Variants in TMTC2 observed in about 807,000 individuals in gnomAD.
TMTC2 encodes protein O-mannosyl-transferase TMTC2.
In TMTC2, 43 loss-of-function variants were observed where a neutral mutation model predicts 82.4. The ratio of observed to expected loss-of-function variants is 0.52; its 90% CI spans 0.41 to 0.67. The LOEUF (loss-of-function observed/expected upper bound fraction) is 0.67. TMTC2 is among the 30% of genes least tolerant of loss of function. The pLI, the probability that TMTC2 is intolerant of heterozygous loss-of-function variation, is 0.00. For missense variants in TMTC2, 919 were observed against 1,012.4 expected (o/e 0.91, Z 1.25); for synonymous variants, 408 against 381.9 (o/e 1.07, Z -0.80).
At chr12:82,827,382 G>C (rs1019557060) in intron 1 of TMTC2, among the ~76,000 whole-genome samples, 4 of 152,168 alleles carry the variant, frequency 2.6e-5, no homozygotes, top group Admixed American at 2.0e-4. Flanking sequence ...GAAATGACCT[G>C]AGTTCATGCA....
In TMTC2 at chr12:82,798,116, C is replaced by T. The variant is rs371590680; in HGVS notation, c.84-58894C>T. On this transcript the variant is annotated intron_variant, in intron 1 of 11. Transcript: ENST00000321196. ...GGCTACAAGCACCTGCCAGGACGCCCGGCTAATTTTCTGTATTTTTAGTAG... is the reference window on the plus strand; with the variant it reads ...GGCTACAAGCACCTGCCAGGACGCCTGGCTAATTTTCTGTATTTTTAGTAG... Among the ~76,000 whole-genome samples, 42 of 150,646 alleles carry T rather than the reference C, an allele frequency of 2.8e-4. No individual in the cohort carries two copies. The East Asian group carries it at 2.8e-3, about 10-fold the overall frequency.
intron 1 of TMTC2, among the ~76,000 whole-genome samples, chr12:82,701,324 T>G (rs1239474975): frequency 6.6e-6 from 1 of 152,180 alleles, no homozygotes; most frequent in Non-Finnish European, 1.5e-5. Context: ...CTGTTTGTTT[T>G]ACAGTAAGCA....
intron 1 of TMTC2, among the ~76,000 whole-genome samples, chr12:82,735,172 A>G (rs1026091024): frequency 6.6e-6 from 1 of 152,258 alleles, no homozygotes; most frequent in Admixed American, 6.5e-5. Context: ...CAAATCAATC[A>G]TATGCTAAAA....
chr12:82,938,815 G>A (rs1253163654), intron 4 of TMTC2, among the ~76,000 whole-genome samples: 1 of 152,104 alleles, frequency 6.6e-6, no homozygotes, highest in Non-Finnish European at 1.5e-5. Flanking sequence ...TAATACTGAA[G>A]AATATGGAGT....
chr12:82,819,016 C>G (rs1868918131), intron 1 of TMTC2, among the ~76,000 whole-genome samples: 1 of 151,718 alleles, frequency 6.6e-6, no homozygotes, highest in African/African-American at 2.4e-5. Context: ...CAAAGTAAGG[C>G]CTACCTTTTC....
chr12:83,040,518 A>G (rs990252251), intron 9 of TMTC2, among the ~76,000 whole-genome samples: 3 of 152,116 alleles, frequency 2.0e-5, no homozygotes, highest in African/African-American at 7.2e-5. Context: ...TGTTCCTTCT[A>G]ATAACTCAGT....
At chr12:82,941,639 A>C (rs1009755867) in intron 4 of TMTC2, among the ~76,000 whole-genome samples, 3 of 152,164 alleles carry the variant, frequency 2.0e-5, no homozygotes, top group African/African-American at 7.2e-5. Flanking sequence ...ACTTTTATCT[A>C]TTATATATGT....
chr12:82,979,154 A>G (rs529751155), intron 7 of TMTC2, among the ~76,000 whole-genome samples: 1 of 151,282 alleles, frequency 6.6e-6, no homozygotes, highest in Non-Finnish European at 1.5e-5. Context: ...CAATGTTTTT[A>G]TTGGAGAATT....
chr12:82,787,430 T>A (rs924311589), intron 1 of TMTC2, among the ~76,000 whole-genome samples: 1 of 152,200 alleles, frequency 6.6e-6, no homozygotes. Flanking sequence ...AACCTAGTTA[T>A]ATGTAAATGA....
At chr12:82,934,517 T>C (rs928966751) in intron 4 of TMTC2, among the ~76,000 whole-genome samples, 12 of 152,114 alleles carry the variant, frequency 7.9e-5, no homozygotes, top group Non-Finnish European at 4.4e-5. Flanking sequence ...GCTATAATTA[T>C]GGTTTCCAGC....
intron 9 of TMTC2, among the ~76,000 whole-genome samples, chr12:83,039,024 C>A (rs751915282): frequency 2.0e-4 from 31 of 151,314 alleles, no homozygotes; most frequent in Admixed American, 1.1e-3. Context: ...CTCTGCCCCC[C>A]GGGTTCAAGC....
chr12:82,965,263 A>G (rs1878139128), intron 5 of TMTC2, among the ~76,000 whole-genome samples, 154 bp downstream of exon 5: 1 of 152,106 alleles, frequency 6.6e-6, no homozygotes, highest in African/African-American at 2.4e-5. Context: ...TCTCAATTGC[A>G]TCATACTTTA....
intron 8 of TMTC2, among the ~76,000 whole-genome samples, chr12:83,013,484 C>A (rs900438466): frequency 1.8e-4 from 27 of 152,276 alleles, no homozygotes; most frequent in African/African-American, 6.0e-4. Flanking sequence ...GCTTATCTTT[C>A]AGTACAGAAG....
At chr12:83,042,535 A>C (rs897113202) in intron 9 of TMTC2, among the ~76,000 whole-genome samples, 1 of 152,116 alleles carries the variant, frequency 6.6e-6, no homozygotes, top group Non-Finnish European at 1.5e-5. Context: ...ACTTAAACCT[A>C]TGATGAAATT....
At chr12:82,906,579 CT>C (rs1158868628) in intron 3 of TMTC2, among the ~76,000 whole-genome samples, 1 of 152,054 alleles carries the variant, frequency 6.6e-6, no homozygotes, top group Non-Finnish European at 1.5e-5. Context: ...GCCTCAGCTA[CT>C]CGGGAGGCTG....
At chr12:82,829,612 G>A (rs1208471495) in intron 1 of TMTC2, among the ~76,000 whole-genome samples, 2 of 152,120 alleles carry the variant, frequency 1.3e-5, no homozygotes, top group East Asian at 3.8e-4. Context: ...CATGCTATTA[G>A]CTAATTTTGG....
chr12:82,797,945 T>C (rs970428313), intron 1 of TMTC2, among the ~76,000 whole-genome samples: 2 of 148,272 alleles, frequency 1.3e-5, no homozygotes, highest in Non-Finnish European at 3.0e-5. Flanking sequence ...ATTTTTTTTT[T>C]TTTTTTTTTT....
In TMTC2 at chr12:82,870,982, G is replaced by A. The variant is rs537143579; in HGVS notation, c.654+13402G>A. ...ATTCTGCAGTATAATCTTCTCCCTG[G>A]CTGCTCTGACTTCCATATTGTTCAA... On this transcript the variant is annotated intron_variant, in intron 2 of 11. Coordinates refer to ENST00000321196, the MANE Select transcript of TMTC2 (RefSeq NM_152588.3). Among the ~76,000 whole-genome samples the A allele has an allele frequency of 1.1e-3, 170 of 152,210 alleles. 2 individuals are homozygous for A. The highest frequency in any genetic ancestry group is 1.5e-3 in the Non-Finnish European group (100 of 67,994).
At chr12:82,910,891 T>A (rs12321123) in intron 3 of TMTC2, among the ~76,000 whole-genome samples, 8,641 of 151,374 alleles carry the variant, frequency 0.057, 636 homozygotes, top group African/African-American at 0.17. Context: ...TTTTTTTTTT[T>A]AGAGACAGAG....
Sources: gnomAD v4.1 joint callset for allele counts (sites outside exome capture counted in the v4.1 genomes callset) on GRCh38, gnomAD v4.1.1 for gene constraint, MANE v1.5 for transcripts, NCBI Gene and HGNC (gene_info 2026-07-23, HGNC 2026-07-21) for gene names.